ZFAT: variants seen among roughly 807,000 people sequenced by gnomAD.
ZFAT encodes the protein zinc finger and AT-hook domain containing.
ZFAT carries 64 observed loss-of-function variants against 117.7 expected under a neutral mutation model. The observed-to-expected ratio is 0.54, with a 90% CI of 0.44 to 0.67. ZFAT has a LOEUF of 0.67. ZFAT is among the 30% of genes least tolerant of loss of function. The pLI, the probability that ZFAT is intolerant of heterozygous loss-of-function variation, is 0.00. For synonymous variants in ZFAT, 679 were observed against 615.0 expected (o/e 1.10, Z -1.54); for missense variants, 1,433 against 1,584.5 (o/e 0.90, Z 1.62).
chr8:134,587,749 T>C (rs949791241), intron 9 of ZFAT, among the ~76,000 whole-genome samples: 2 of 152,156 alleles, frequency 1.3e-5, no homozygotes, highest in Non-Finnish European at 2.9e-5. Flanking sequence ...TACCTTCTTC[T>C]CTCCATTCCC....
intron 1 of ZFAT, among the ~76,000 whole-genome samples, chr8:134,697,184 G>A (rs1157047142): frequency 1.3e-5 from 2 of 152,146 alleles, no homozygotes; most frequent in East Asian, 2.0e-4. Flanking sequence ...GCACGATCTC[G>A]GCTTACTGCA....
intron 2 of ZFAT, among the ~76,000 whole-genome samples, chr8:134,653,435 T>G (rs970739335): frequency 5.0e-5 from 7 of 141,240 alleles, no homozygotes; most frequent in African/African-American, 1.6e-4. Flanking sequence ...TTTTTTTTTT[T>G]TTTTTTTTTT....
chr8:134,819,360 G>A, the ZFAT span, among the ~76,000 whole-genome samples: 1 of 151,978 alleles, frequency 6.6e-6, no homozygotes, highest in Non-Finnish European at 1.5e-5. Context: ...GAAGGAGACA[G>A]CAAAAGAAAA....
intron 1 of ZFAT, among the ~76,000 whole-genome samples, chr8:134,703,573 G>C (rs758043938): frequency 1.2e-4 from 18 of 152,214 alleles, no homozygotes; most frequent in Non-Finnish European, 2.4e-4. Context: ...GTAGCACTAG[G>C]GAGAGATTGA....
chr8:134,713,161 C>T (rs753086960), upstream of ZFAT: 1 of 312,182 alleles, frequency 3.2e-6, no homozygotes, highest in African/African-American at 2.2e-5. Context: ...AGTCGGAGGC[C>T]GTGCTTTTTA....
At chr8:134,601,069 T>C (rs1827405256) in intron 6 of ZFAT, among the ~76,000 whole-genome samples, 1 of 152,164 alleles carries the variant, frequency 6.6e-6, no homozygotes, top group African/African-American at 2.4e-5. Flanking sequence ...ATGCTTTCAT[T>C]GTGAGTTGCA....
intron 10 of ZFAT, among the ~76,000 whole-genome samples, chr8:134,582,822 G>A (rs1825799069): frequency 6.6e-6 from 1 of 152,072 alleles, no homozygotes; most frequent in Non-Finnish European, 1.5e-5. Flanking sequence ...TAGAACTTAA[G>A]AGCTATATCA....
chr8:134,748,402 T>A, the ZFAT span, among the ~76,000 whole-genome samples: 1 of 152,240 alleles, frequency 6.6e-6, no homozygotes, highest in Non-Finnish European at 1.5e-5. Context: ...CTTAATTTTT[T>A]TCCTCAACAT....
chr8:134,583,608 C>T (rs943185008), intron 10 of ZFAT, among the ~76,000 whole-genome samples: 7 of 150,140 alleles, frequency 4.7e-5, no homozygotes, highest in Admixed American at 4.6e-4. Flanking sequence ...CCACCACTGG[C>T]ACCGACACAC....
At chr8:134,712,814 C>CCG in intron 1 of ZFAT, 31 bp downstream of exon 1, 13 of 1,232,408 alleles carry the variant, frequency 1.1e-5, no homozygotes, top group Non-Finnish European at 1.4e-5. Flanking sequence ...CACCCCCACC[C>CCG]CGTCTCACCC....
chr8:134,613,189 G>T (rs886881637), intron 3 of ZFAT, among the ~76,000 whole-genome samples: 1 of 152,060 alleles, frequency 6.6e-6, no homozygotes, highest in Non-Finnish European at 1.5e-5. Flanking sequence ...GATATGCCAG[G>T]AACAGATTTG....
chr8:134,649,125 T>C (rs988474154), intron 2 of ZFAT, among the ~76,000 whole-genome samples: 5 of 148,528 alleles, frequency 3.4e-5, no homozygotes, highest in African/African-American at 1.2e-4. Flanking sequence ...AAACCAAGAA[T>C]AAAAAGAGCT....
chr8:134,700,830 C>T (rs542312235), intron 1 of ZFAT, among the ~76,000 whole-genome samples: 3 of 152,258 alleles, frequency 2.0e-5, no homozygotes, highest in South Asian at 4.2e-4. Context: ...CCTACTCTAC[C>T]TTGTACAAGC....
the ZFAT span, chr8:134,723,816 G>A: frequency 6.6e-6 from 1 of 152,196 alleles, no homozygotes; most frequent in African/African-American, 2.4e-5. Flanking sequence ...GCACATTTAT[G>A]AAGTTCCCGC....
At chr8:134,590,624 CCAGCACTATCAATAGTCATCACCA>C (rs1563641205) in intron 7 of ZFAT, among the ~76,000 whole-genome samples, 3 of 151,520 alleles carry the variant, frequency 2.0e-5, no homozygotes, top group Admixed American at 6.6e-5. Flanking sequence ...GTCATCACCA[CCAGCACTATCAATAGTCATCACCA>C]CCACCACCAC....
At chr8:134,525,602 C>A (rs1820972764) in intron 12 of ZFAT, among the ~76,000 whole-genome samples, 1 of 152,164 alleles carries the variant, frequency 6.6e-6, no homozygotes. Flanking sequence ...CAAGACAGAG[C>A]AGTGTTCTAT....
chr8:134,496,681 C>T (rs1016500351), intron 15 of ZFAT, among the ~76,000 whole-genome samples: 14 of 152,256 alleles, frequency 9.2e-5, no homozygotes, highest in African/African-American at 3.4e-4. Flanking sequence ...ACCAAATTGT[C>T]ACCTGCTCTC....
intron 3 of ZFAT, among the ~76,000 whole-genome samples, chr8:134,614,044 A>C (rs773235590): frequency 6.6e-6 from 1 of 151,964 alleles, no homozygotes; most frequent in Non-Finnish European, 1.5e-5. Context: ...TGACTAACAC[A>C]CTCTCCGAAC....
the ZFAT span, among the ~76,000 whole-genome samples, chr8:134,810,467 G>A: frequency 6.6e-6 from 1 of 152,010 alleles, no homozygotes; most frequent in Admixed American, 6.6e-5. Context: ...TCTACTTCAC[G>A]CTCTACTTGA....
Sources: gnomAD v4.1 joint callset for allele counts (sites outside exome capture counted in the v4.1 genomes callset) on GRCh38, gnomAD v4.1.1 for gene constraint, MANE v1.5 for transcripts, NCBI Gene and HGNC (gene_info 2026-07-23, HGNC 2026-07-21) for gene names.